The following AGBL4 variants were observed in gnomAD, a reference collection of about 807,000 sequenced individuals.
AGBL4 encodes the protein AGBL carboxypeptidase 4, also known as cytosolic carboxypeptidase 6.
Under a neutral mutation model 66.4 loss-of-function variants are expected in AGBL4, and 58 were observed. The ratio of observed to expected loss-of-function variants is 0.87; its 90% CI spans 0.71 to 1.09. The LOEUF (loss-of-function observed/expected upper bound fraction) is 1.09. AGBL4 is among the 50% of genes least tolerant of loss of function. AGBL4 has a pLI of 0.00. For synonymous variants in AGBL4, 234 were observed against 222.9 expected (o/e 1.05, Z -0.44); for missense variants, 579 against 631.0 (o/e 0.92, Z 0.88).
intron 7 of AGBL4, 30 bp from the exon 8 acceptor site, chr1:48,653,481 A>G: frequency 6.9e-7 from 1 of 1,448,818 alleles, no homozygotes; most frequent in Non-Finnish European, 9.4e-7. Context: ...CGGTTTAACA[A>G]CAAAGCATTT....
At chr1:48,688,373 A>G (rs1646567774) in intron 6 of AGBL4, among the ~76,000 whole-genome samples, 1 of 152,070 alleles carries the variant, frequency 6.6e-6, no homozygotes, top group Non-Finnish European at 1.5e-5. Context: ...CCTCATCTCC[A>G]TGCCTCCACC....
At chr1:49,703,912 G>A (rs1045778051) in intron 2 of AGBL4, among the ~76,000 whole-genome samples, 1 of 151,940 alleles carries the variant, frequency 6.6e-6, no homozygotes, top group African/African-American at 2.4e-5. Context: ...AATAACTGCA[G>A]TAGCAACAAG....
intron 3 of AGBL4, among the ~76,000 whole-genome samples, chr1:49,640,812 T>A (rs774390164): frequency 1.3e-5 from 2 of 152,160 alleles, no homozygotes; most frequent in Non-Finnish European, 2.9e-5. Context: ...TGGTGCATAA[T>A]CTTTGTGTAT....
At chr1:48,856,765 C>G (rs901470688) in intron 6 of AGBL4, among the ~76,000 whole-genome samples, 14 of 152,156 alleles carry the variant, frequency 9.2e-5, no homozygotes, top group African/African-American at 3.1e-4. Context: ...ATAAACCTAG[C>G]TGTGATTTTT....
At chr1:49,473,154 T>C (rs1646779668) in intron 3 of AGBL4, among the ~76,000 whole-genome samples, 1 of 152,122 alleles carries the variant, frequency 6.6e-6, no homozygotes, top group Admixed American at 6.5e-5. Context: ...TTTATTTTCC[T>C]TTGGGTATAT....
chr1:48,725,624 G>A (rs1647226464), intron 6 of AGBL4, among the ~76,000 whole-genome samples: 1 of 152,198 alleles, frequency 6.6e-6, no homozygotes, highest in Middle Eastern at 3.2e-3. Context: ...TCAGGGAAGA[G>A]GTAAAAGGGC....
At chr1:49,573,883 C>T (rs1381546311) in intron 3 of AGBL4, among the ~76,000 whole-genome samples, 1 of 152,024 alleles carries the variant, frequency 6.6e-6, no homozygotes, top group Non-Finnish European at 1.5e-5. Flanking sequence ...ATCTTTTTTG[C>T]CAGAAGGAAC....
intron 5 of AGBL4, among the ~76,000 whole-genome samples, chr1:49,024,874 A>G (rs1663528712): frequency 6.6e-6 from 1 of 152,000 alleles, no homozygotes; most frequent in Non-Finnish European, 1.5e-5. Flanking sequence ...TTTGCTGGTG[A>G]CTCTAGAGAG....
At chr1:48,618,018 C>G (rs1645348235) in intron 9 of AGBL4, among the ~76,000 whole-genome samples, 1 of 152,178 alleles carries the variant, frequency 6.6e-6, no homozygotes, top group African/African-American at 2.4e-5. Flanking sequence ...TCAATACTGA[C>G]TCTGTCTCTT....
chr1:49,144,234 G>A (rs1175140143), intron 4 of AGBL4, among the ~76,000 whole-genome samples: 4 of 152,040 alleles, frequency 2.6e-5, no homozygotes, highest in African/African-American at 7.2e-5. Flanking sequence ...ATGGCTATCA[G>A]TGGTCGCCAG....
chr1:49,442,605 A>C (rs932416935), intron 3 of AGBL4, among the ~76,000 whole-genome samples: 1 of 152,208 alleles, frequency 6.6e-6, no homozygotes. Context: ...TGATGTCTGA[A>C]TAGTATTCCA....
At chr1:49,156,793 A>G (rs974811249) in intron 4 of AGBL4, among the ~76,000 whole-genome samples, 3 of 152,134 alleles carry the variant, frequency 2.0e-5, no homozygotes, top group African/African-American at 7.2e-5. Context: ...CATGCTAACT[A>G]TGGTACAGTG....
At chr1:49,884,544 T>C (rs932413012) in intron 1 of AGBL4, among the ~76,000 whole-genome samples, 3 of 151,850 alleles carry the variant, frequency 2.0e-5, no homozygotes, top group Non-Finnish European at 4.4e-5. Flanking sequence ...TAATGTAAAG[T>C]AACACTGAAT....
intron 2 of AGBL4, chr1:49,844,767 C>T: frequency 6.3e-7 from 1 of 1,588,366 alleles, no homozygotes; most frequent in Non-Finnish European, 8.6e-7. Flanking sequence ...ACAATGTCAT[C>T]TTGGTAGAAA....
intron 6 of AGBL4, among the ~76,000 whole-genome samples, chr1:48,837,812 G>A (rs912986935): frequency 1.0e-5 from 1 of 98,642 alleles, no homozygotes; most frequent in Admixed American, 1.0e-4. Context: ...TGGTATGAGG[G>A]GCATGGGAGA....
At chr1:49,066,931 T>C (rs1275247980) in intron 4 of AGBL4, among the ~76,000 whole-genome samples, 2 of 152,210 alleles carry the variant, frequency 1.3e-5, no homozygotes, top group Non-Finnish European at 2.9e-5. Context: ...ATATGGATAA[T>C]GCTAAATTCG....
At chr1:49,835,044 T>C (rs1308827772) in intron 2 of AGBL4, among the ~76,000 whole-genome samples, 1 of 152,192 alleles carries the variant, frequency 6.6e-6, no homozygotes, top group Non-Finnish European at 1.5e-5. Flanking sequence ...AGAATGTATA[T>C]TCTATTGATT....
At chr1:49,754,117 C>T (rs549905101) in intron 2 of AGBL4, among the ~76,000 whole-genome samples, 7 of 152,138 alleles carry the variant, frequency 4.6e-5, no homozygotes, top group South Asian at 2.1e-4. Context: ...CTCTTGCTGG[C>T]GAGGAGTTGT....
chr1:49,192,341 C>T (rs1408523546), intron 4 of AGBL4, among the ~76,000 whole-genome samples: 1 of 152,060 alleles, frequency 6.6e-6, no homozygotes. Context: ...TCTTGTTGCC[C>T]AAGCTGGAGT....
Sources: gnomAD v4.1 joint callset for allele counts (sites outside exome capture counted in the v4.1 genomes callset) on GRCh38, gnomAD v4.1.1 for gene constraint, MANE v1.5 for transcripts, NCBI Gene and HGNC (gene_info 2026-07-23, HGNC 2026-07-21) for gene names.